DIAPH2: variants seen among roughly 807,000 people sequenced by gnomAD.
DIAPH2 encodes the protein diaphanous related formin 2.
A neutral mutation model predicts 92.7 loss-of-function variants in DIAPH2; 35 were observed. The ratio of observed to expected loss-of-function variants is 0.38; its 90% CI spans 0.29 to 0.50. The LOEUF is 0.50. Ranked by LOEUF, DIAPH2 falls within the 20% of genes least tolerant of loss-of-function variation. DIAPH2 has a pLI of 0.94. For synonymous variants in DIAPH2, 301 were observed against 280.4 expected, an observed-to-expected ratio of 1.07 and a Z score of -0.73; for missense variants, 701 against 819.5, an observed-to-expected ratio of 0.86 and a Z score of 1.77.
intron 8 of DIAPH2, among the ~76,000 whole-genome samples, chrX:96,918,012 A>G (rs1486615486): frequency 9.0e-6 from 1 of 111,376 alleles, no homozygotes; most frequent in African/African-American, 3.2e-5. Context: ...TGTCACCCAG[A>G]AAAGTTACTT....
At chrX:97,010,236 T>G (rs1436318209) in intron 17 of DIAPH2, among the ~76,000 whole-genome samples, 1 of 110,462 alleles carries the variant, frequency 9.1e-6, no homozygotes, top group Non-Finnish European at 1.9e-5. Flanking sequence ...TGGGTTACAA[T>G]GCAAAGTCCC....
At chrX:97,084,968 C>A (rs1407587244) in intron 19 of DIAPH2, among the ~76,000 whole-genome samples, 1 of 111,667 alleles carries the variant, frequency 9.0e-6, no homozygotes, top group East Asian at 2.8e-4. Context: ...GTAAATTATT[C>A]ATGTCTTTGG....
At chrX:96,741,800 C>T (rs938305669) in intron 3 of DIAPH2, among the ~76,000 whole-genome samples, 1 of 111,697 alleles carries the variant, frequency 9.0e-6, no homozygotes, top group Admixed American at 9.5e-5. Flanking sequence ...CTTAATTGAC[C>T]TATCAGTAGC....
At chrX:97,003,621 C>A (rs1440325935) in intron 17 of DIAPH2, among the ~76,000 whole-genome samples, 1 of 111,912 alleles carries the variant, frequency 8.9e-6, no homozygotes, top group East Asian at 2.8e-4. Context: ...AAACGTCTAT[C>A]CAGATTTTTT....
At chrX:96,867,174 C>G (rs1217986662) in intron 4 of DIAPH2, among the ~76,000 whole-genome samples, 1 of 111,844 alleles carries the variant, frequency 8.9e-6, no homozygotes, top group East Asian at 2.8e-4. Flanking sequence ...AGTCTATACG[C>G]TCAAGTACTA....
rs188455136 is a variant in DIAPH2 at position 96,862,386 on chromosome X, T to C, written c.448-19193T>C. On this transcript the variant is annotated intron_variant, in intron 4 of 26. Transcript: ENST00000324765. The stretch of plus-strand genomic sequence containing the variant: ...GGAAATGAATGAGTAACTCAGTAAG[T>C]ATTTGAATGAATGATCATTGTAATG... 8.0e-5 allele frequency among the ~76,000 whole-genome samples: 9 copies of C among 112,017 alleles called. No homozygotes were observed. In the East Asian group the frequency reaches 2.2e-3, roughly 28 times the overall value.
At chrX:97,051,939 A>T (rs1203742467) in intron 17 of DIAPH2, among the ~76,000 whole-genome samples, 1 of 112,201 alleles carries the variant, frequency 8.9e-6, no homozygotes, top group Non-Finnish European at 1.9e-5. Flanking sequence ...TTTACTGAAT[A>T]TAAGTGCTTG....
At position 96,988,086 on chromosome X, in the gene DIAPH2, A is replaced by AAT. The variant is rs535789884; in HGVS notation, c.2050+22892_2050+22893dup. ...TATTCTATACATTCTTATATTTAGA[A>AAT]ATATATATATATATTGAGGATCTGC... On this transcript the variant is annotated intron_variant, in intron 17 of 26. Coordinates refer to ENST00000324765, the MANE Select transcript of DIAPH2 (RefSeq NM_006729.5). 7.8e-3 allele frequency among the ~76,000 whole-genome samples: 848 copies of AAT among 108,885 alleles called. 7 individuals carry two copies. The highest frequency in any genetic ancestry group is 0.025 in the African/African-American group (753 of 30,133). The allele number at this position is 108,885 out of a possible 115,157, so 94.6% of individuals were successfully genotyped here.
At chrX:96,806,084 G>T (rs1254100444) in intron 4 of DIAPH2, among the ~76,000 whole-genome samples, 1 of 111,885 alleles carries the variant, frequency 8.9e-6, no homozygotes, top group Non-Finnish European at 1.9e-5. Context: ...TGAATAGCGA[G>T]CTCTTAGTTT....
intron 25 of DIAPH2, among the ~76,000 whole-genome samples, chrX:97,393,584 A>C (rs1272025510): frequency 8.9e-6 from 1 of 111,781 alleles, no homozygotes; most frequent in Admixed American, 9.5e-5. Context: ...GGTCTAATCT[A>C]TGTTCTCCAA....
intron 23 of DIAPH2, among the ~76,000 whole-genome samples, chrX:97,319,165 A>G (rs1448487339): frequency 8.9e-6 from 1 of 112,343 alleles, no homozygotes; most frequent in Non-Finnish European, 1.9e-5. Flanking sequence ...AAAAGATTGT[A>G]TAGAAATTGA....
chrX:96,923,020 C>G (rs934610283), intron 9 of DIAPH2, among the ~76,000 whole-genome samples: 2 of 111,314 alleles, frequency 1.8e-5, no homozygotes, highest in Non-Finnish European at 3.8e-5. Flanking sequence ...TCATAAAAAA[C>G]AGTGAGGTAA....
chrX:97,393,367 A>G (rs767828877), intron 25 of DIAPH2, among the ~76,000 whole-genome samples: 3 of 112,078 alleles, frequency 2.7e-5, no homozygotes, highest in Non-Finnish European at 3.8e-5. Context: ...ATATATTGAT[A>G]TATTTTGGCA....
intron 22 of DIAPH2, among the ~76,000 whole-genome samples, chrX:97,176,365 T>C (rs1254402661): frequency 8.9e-6 from 1 of 112,000 alleles, no homozygotes; most frequent in African/African-American, 3.2e-5. Flanking sequence ...TATAGAAATG[T>C]TTCCTATTAG....
intron 16 of DIAPH2, 74 bp downstream of exon 16, chrX:96,958,222 T>G: frequency 9.3e-7 from 1 of 1,075,523 alleles, no homozygotes; most frequent in Non-Finnish European, 1.2e-6. Context: ...CATTGTATAA[T>G]GTTTGAGAGT....
Position 97,600,269 on chromosome X carries a change from G to GACTT in DIAPH2, c.*953_*956dup, listed in dbSNP as rs2071584810. ...TTGAGTCCCTTGAAGGCAGGGAATAGACTTCTAGAAAACCTGAGAGGAAAA... is the reference window on the plus strand; with the variant it reads ...TTGAGTCCCTTGAAGGCAGGGAATAGACTTACTTCTAGAAAACCTGAGAGGAAAA... On this transcript the variant is annotated 3_prime_UTR_variant, in exon 27 of 27. Transcript: ENST00000324765. 8.9e-6 allele frequency: 1 copy of GACTT among 111,925 alleles called. No homozygotes were observed. Among genetic ancestry groups the GACTT allele is most frequent in the East Asian group, 2.8e-4 (1 of 3,596 alleles). 9.2% of individuals were successfully genotyped at this position (111,925 alleles called of 1,213,427 possible).
chrX:96,785,445 G>A (rs2064447828), intron 4 of DIAPH2, among the ~76,000 whole-genome samples: 1 of 106,578 alleles, frequency 9.4e-6, no homozygotes, highest in South Asian at 4.4e-4. Flanking sequence ...AAGGTGGAAG[G>A]GTAAAGAGAC....
intron 4 of DIAPH2, among the ~76,000 whole-genome samples, chrX:96,775,204 C>T (rs371354034): frequency 4.5e-5 from 5 of 111,232 alleles, no homozygotes; most frequent in African/African-American, 1.3e-4. Context: ...TCAGCTGCTG[C>T]TTCTCCCACT....
At chrX:96,949,155 A>G (rs1228078769) in intron 15 of DIAPH2, 116 bp downstream of exon 15, 2 of 408,129 alleles carry the variant, frequency 4.9e-6, no homozygotes, top group Non-Finnish European at 8.4e-6. Context: ...GCAGTTTTAC[A>G]TTTTCATTGA....
Sources: allele counts gnomAD v4.1 joint callset (sites outside exome capture counted in the v4.1 genomes callset), GRCh38; gene constraint gnomAD v4.1.1; transcripts MANE v1.5; gene names NCBI Gene and HGNC (gene_info 2026-07-23, HGNC 2026-07-21).